FOXO1: variants seen among roughly 807,000 people sequenced by gnomAD.
FOXO1 encodes forkhead box protein O1.
In FOXO1, 6 loss-of-function variants were observed where a neutral mutation model predicts 44.1. That is an observed-to-expected ratio of 0.14 (90% CI 0.07 to 0.27). The LOEUF is 0.27. FOXO1 is among the 10% of genes least tolerant of loss of function. The pLI, the probability that FOXO1 is intolerant of heterozygous loss-of-function variation, is 1.00. For synonymous variants in FOXO1, 380 were observed against 362.7 expected, an observed-to-expected ratio of 1.05 and a Z score of -0.54; for missense variants, 737 against 888.8, an observed-to-expected ratio of 0.83 and a Z score of 2.17.
intron 1 of FOXO1, chr13:40,619,133 A>G: frequency 2.8e-6 from 1 of 359,004 alleles, no homozygotes; most frequent in South Asian, 2.2e-5. Flanking sequence ...AACAGATATA[A>G]AAAATTAGCC....
chr13:40,567,826 G>C (rs997506895), intron 1 of FOXO1, among the ~76,000 whole-genome samples: 1 of 152,062 alleles, frequency 6.6e-6, no homozygotes, highest in African/African-American at 2.4e-5. Context: ...AAATTAGCTG[G>C]GCATGGTGGT....
At chr13:40,630,944 T>G (rs1876941948) in intron 1 of FOXO1, among the ~76,000 whole-genome samples, 1 of 152,066 alleles carries the variant, frequency 6.6e-6, no homozygotes, top group Non-Finnish European at 1.5e-5. Flanking sequence ...CAGGTGAGGA[T>G]TTTCCCACCC....
chr13:40,624,231 G>T (rs1876710597), intron 1 of FOXO1, among the ~76,000 whole-genome samples: 1 of 148,560 alleles, frequency 6.7e-6, no homozygotes. Flanking sequence ...TGCACCTGGG[G>T]ACTATTATCA....
intron 1 of FOXO1, among the ~76,000 whole-genome samples, chr13:40,578,573 C>T (rs1335585036): frequency 6.6e-6 from 1 of 152,152 alleles, no homozygotes; most frequent in Non-Finnish European, 1.5e-5. Context: ...TTTCCTCTAA[C>T]CATTGAGGTC....
chr13:40,595,580 G>T (rs188666615), intron 1 of FOXO1, among the ~76,000 whole-genome samples: 2 of 152,286 alleles, frequency 1.3e-5, no homozygotes, highest in East Asian at 3.9e-4. Context: ...CGGGGCAGGG[G>T]TGGTAATATT....
chr13:40,642,509 T>C (rs8001443), intron 1 of FOXO1, among the ~76,000 whole-genome samples: 62,823 of 152,098 alleles, frequency 0.41, 14,202 homozygotes, highest in East Asian at 0.73. Flanking sequence ...ATGACAGATA[T>C]AAGCTTGGCA....
chr13:40,581,495 T>A lies in FOXO1; in HGVS notation c.631-20635A>T, dbSNP rs73173162. Among the ~76,000 whole-genome samples the A allele has an allele frequency of 5.0e-3, 765 of 152,322 alleles. 4 individuals are homozygous for A. The highest frequency in any genetic ancestry group is 8.5e-3 in the Non-Finnish European group (578 of 68,024). ...CCTGTTTGAACCAAACTGCAGTAAC[T>A]ACACCCATAGTAAATTAAAACAATT... On this transcript the variant is annotated intron_variant, in intron 1 of 2. Transcript: ENST00000379561.
In FOXO1 at chr13:40,561,080, C is replaced by T. The variant is rs562078757; in HGVS notation, c.631-220G>A. Among the ~76,000 whole-genome samples, 17 of 152,188 alleles carry T rather than the reference C, an allele frequency of 1.1e-4. 1 individual carries two copies. The South Asian group carries it at 2.7e-3, about 24-fold the overall frequency. On this transcript the variant is annotated intron_variant, in intron 1 of 2. Transcript: ENST00000379561. ...TAAAAACAATATCTGTGGCTGGGTG[C>T]GGTGGCTCACGCCTGTAATCCTAGC...
At chr13:40,584,326 T>C (rs1464214115) in intron 1 of FOXO1, among the ~76,000 whole-genome samples, 1 of 151,662 alleles carries the variant, frequency 6.6e-6, no homozygotes, top group Non-Finnish European at 1.5e-5. Flanking sequence ...GTACCTGAAA[T>C]GTAAATATTA....
intron 1 of FOXO1, among the ~76,000 whole-genome samples, chr13:40,561,943 C>CAAAAAAAAAA (rs60373589): frequency 8.4e-4 from 57 of 67,568 alleles, no homozygotes; most frequent in African/African-American, 2.8e-3. Flanking sequence ...ACTCTGTCGC[C>CAAAAAAAAAA]AAAAAAAAAA....
chr13:40,560,483 A>C lies in FOXO1; in HGVS notation c.1008T>G (p.Asp336Glu). 6.2e-7 allele frequency: 1 copy of C among 1,614,192 alleles called. No individual in the cohort carries two copies. Among genetic ancestry groups the C allele is most frequent in the East Asian group, 2.2e-5 (1 of 44,880 alleles). The change falls in exon 2 of 3, where the codon GAT (aspartate) becomes GAG (glutamate). Residue 336 changes from aspartate (D) to glutamate (E), a missense_variant. By Grantham distance (45) the Asp-to-Glu change is conservative. Around this residue, in one of 7 missense-constraint regions of FOXO1, gnomAD observed 136 missense variants for 186.4 expected, o/e 0.73. Transcript: ENST00000379561. The surrounding 1 kb of genome is among the most constrained non-coding windows in gnomAD (Gnocchi z 5.1). ...GRLSPIMTEQ[D>E]DLGEGDVHSM... ...AATGCACATCCCCTTCTCCAAGATC[A>C]TCCTGTTCGGTCATAATGGGTGAGA...
chr13:40,652,952 G>T (rs1434296163), intron 1 of FOXO1, among the ~76,000 whole-genome samples: 2 of 150,110 alleles, frequency 1.3e-5, no homozygotes, highest in African/African-American at 4.9e-5. Flanking sequence ...AACTAAATTT[G>T]AAATCTAAGT....
chr13:40,565,416 TTC>T (rs1874228344), intron 1 of FOXO1, among the ~76,000 whole-genome samples: 1 of 152,154 alleles, frequency 6.6e-6, no homozygotes, highest in Non-Finnish European at 1.5e-5. Flanking sequence ...ATGCCCCAGC[TTC>T]TGTCTCAGCC....
At chr13:40,598,713 G>T (rs1344243095) in intron 1 of FOXO1, among the ~76,000 whole-genome samples, 1 of 152,184 alleles carries the variant, frequency 6.6e-6, no homozygotes, top group East Asian at 1.9e-4. Context: ...TCTACTCCCA[G>T]TGTGGTTCTG....
chr13:40,606,609 G>A (rs1346831403), intron 1 of FOXO1, among the ~76,000 whole-genome samples: 2 of 152,150 alleles, frequency 1.3e-5, no homozygotes, highest in African/African-American at 2.4e-5. Flanking sequence ...CACCGCGCCC[G>A]GCCATGAAAA....
chr13:40,613,626 G>A (rs929856025), intron 1 of FOXO1, among the ~76,000 whole-genome samples: 1 of 152,172 alleles, frequency 6.6e-6, no homozygotes, highest in Non-Finnish European at 1.5e-5. Context: ...CAGGCACTAC[G>A]AATTTGAATT....
intron 1 of FOXO1, among the ~76,000 whole-genome samples, chr13:40,625,243 TTG>T (rs1876748312): frequency 6.6e-6 from 1 of 152,356 alleles, no homozygotes; most frequent in African/African-American, 2.4e-5. Flanking sequence ...TGATAATTTA[TTG>T]TGACCTAGAA....
intron 1 of FOXO1, among the ~76,000 whole-genome samples, chr13:40,576,094 T>A (rs1874731074): frequency 1.3e-5 from 2 of 152,390 alleles, no homozygotes; most frequent in South Asian, 4.1e-4. Flanking sequence ...CAGTACTTAC[T>A]GACCACTGTG....
rs373281325 is a variant in FOXO1, at chr13:40,632,855, G to A, written c.630+32728C>T. On this transcript the variant is annotated intron_variant, in intron 1 of 2. Coordinates refer to ENST00000379561, the MANE Select transcript of FOXO1 (RefSeq NM_002015.4). The stretch of plus-strand genomic sequence containing the variant: ...AGCTACTTGGGAGGCTGAGGCAGGA[G>A]AATCACTTGAATCCGAGCTGAAGTT... 3.5e-5 allele frequency among the ~76,000 whole-genome samples: 5 copies of A among 142,844 alleles called. No individual in the cohort carries two copies. The East Asian group carries it at 1.0e-3, about 29-fold the overall frequency. The allele number at this position is 142,844 out of a possible 152,430, so 93.7% of individuals were successfully genotyped here. A position where few individuals can be genotyped will look rare whatever the true frequency, so the allele number is the denominator to read the frequency against.
Sources: gnomAD v4.1 joint callset for allele counts (sites outside exome capture counted in the v4.1 genomes callset) on GRCh38, gnomAD v4.1.1 for gene constraint, gnomAD v4.1.1 regional missense constraint, Gnocchi (gnomAD v3.1) non-coding constraint, MANE v1.5 for transcripts, NCBI Gene and HGNC (gene_info 2026-07-23, HGNC 2026-07-21) for gene names.